RBFOX1: variants seen among roughly 807,000 people sequenced by gnomAD.
The protein encoded by RBFOX1 is RNA binding protein fox-1 homolog 1.
A neutral mutation model predicts 57.7 loss-of-function variants in RBFOX1; 8 were observed. That is an observed-to-expected ratio of 0.14 (90% CI 0.08 to 0.25). The LOEUF is 0.25. Ranked by LOEUF, RBFOX1 falls within the 10% of genes least tolerant of loss-of-function variation. The probability of loss-of-function intolerance (pLI) is 1.00; values close to 1 mark genes in which losing one functional copy is unlikely to be tolerated. For synonymous variants in RBFOX1, 326 were observed against 222.4 expected (o/e 1.47, Z -4.15); for missense variants, 611 against 548.5 (o/e 1.11, Z -1.14).
At chr16:6,875,223 A>C (rs2061623101) in intron 3 of RBFOX1, among the ~76,000 whole-genome samples, 1 of 152,248 alleles carries the variant, frequency 6.6e-6, no homozygotes, top group Non-Finnish European at 1.5e-5. Context: ...TGATGATATT[A>C]TCACTATTGT....
At chr16:7,533,532 C>G (rs888247600) in intron 5 of RBFOX1, among the ~76,000 whole-genome samples, 1 of 152,300 alleles carries the variant, frequency 6.6e-6, no homozygotes, top group East Asian at 1.9e-4. Flanking sequence ...ATACACTTCC[C>G]CTACTGAACA....
chr16:5,661,992 T>C (rs1027099065), intron 3 of RBFOX1, among the ~76,000 whole-genome samples: 1 of 152,086 alleles, frequency 6.6e-6, no homozygotes, highest in African/African-American at 2.4e-5. Context: ...TTTCACCATG[T>C]TAGCAGGGTG....
chr16:6,707,992 T>C (rs533443047), intron 3 of RBFOX1, among the ~76,000 whole-genome samples: 1 of 152,234 alleles, frequency 6.6e-6, no homozygotes, highest in South Asian at 2.1e-4. Context: ...AGACATCAGG[T>C]AGTGCTGTGG....
intron 2 of RBFOX1, among the ~76,000 whole-genome samples, chr16:6,569,465 C>T (rs2097313855): frequency 1.3e-5 from 2 of 152,146 alleles, no homozygotes; most frequent in African/African-American, 4.8e-5. Flanking sequence ...TAATCAGTGC[C>T]AAAGTAATTG....
At chr16:5,432,559 G>GTTTTTTTTTTTTTTTTTTT (rs35344614) in intron 1 of RBFOX1, among the ~76,000 whole-genome samples, 1 of 94,220 alleles carries the variant, frequency 1.1e-5, no homozygotes, top group Admixed American at 1.3e-4. Flanking sequence ...TTGTTTGTTT[G>GTTTTTTTTTTTTTTTTTTT]TTTTTTTTTT....
intron 1 of RBFOX1, among the ~76,000 whole-genome samples, chr16:5,291,560 G>A (rs558184434): frequency 7.9e-5 from 12 of 152,280 alleles, no homozygotes; most frequent in Middle Eastern, 3.4e-3. Flanking sequence ...CACGCGCCTG[G>A]CCGAGCTTTT....
chr16:6,865,602 TTTTAA>T (rs1451131477), intron 3 of RBFOX1, among the ~76,000 whole-genome samples: 2 of 152,194 alleles, frequency 1.3e-5, no homozygotes, highest in African/African-American at 4.8e-5. Flanking sequence ...ATACATTATT[TTTTAA>T]TTTAATAAGA....
intron 3 of RBFOX1, among the ~76,000 whole-genome samples, chr16:5,638,560 G>A (rs2048760948): frequency 6.6e-6 from 1 of 152,156 alleles, no homozygotes; most frequent in Non-Finnish European, 1.5e-5. Flanking sequence ...GGGCCTAAAG[G>A]AAGGGTGGAA....
At chr16:5,759,606 C>T (rs756035135) in intron 3 of RBFOX1, among the ~76,000 whole-genome samples, 2 of 152,190 alleles carry the variant, frequency 1.3e-5, no homozygotes, top group African/African-American at 2.4e-5. Flanking sequence ...GCCGCCAGTG[C>T]CAGGCATGTG....
At chr16:7,457,702 A>C (rs2058793103) in intron 4 of RBFOX1, among the ~76,000 whole-genome samples, 1 of 152,128 alleles carries the variant, frequency 6.6e-6, no homozygotes, top group Admixed American at 6.5e-5. Context: ...TTTTCAGCCT[A>C]AGAGGGCCCT....
chr16:7,668,599 G>C (rs566377307), intron 13 of RBFOX1, among the ~76,000 whole-genome samples: 39 of 152,172 alleles, frequency 2.6e-4, no homozygotes, highest in African/African-American at 9.4e-4. Flanking sequence ...TGCGGGGGTT[G>C]TCTGAGAATG....
intron 4 of RBFOX1, among the ~76,000 whole-genome samples, chr16:7,221,028 G>A (rs894560334): frequency 1.3e-5 from 2 of 152,154 alleles, no homozygotes; most frequent in Admixed American, 1.3e-4. Context: ...TAGTTTATCA[G>A]ATGTACTGTC....
intron 3 of RBFOX1, among the ~76,000 whole-genome samples, chr16:6,998,731 CTT>C: frequency 6.6e-6 from 1 of 152,100 alleles, no homozygotes; most frequent in Admixed American, 6.5e-5. Context: ...GTACAGAAAA[CTT>C]AATATATCAG....
chr16:7,667,718 T>C (rs1401399283), intron 13 of RBFOX1, among the ~76,000 whole-genome samples: 1 of 152,204 alleles, frequency 6.6e-6, no homozygotes, highest in Non-Finnish European at 1.5e-5. Flanking sequence ...ACTCACTGTG[T>C]CGCCCAGGCT....
chr16:5,703,098 C>G (rs536153650), intron 3 of RBFOX1, among the ~76,000 whole-genome samples: 1 of 152,178 alleles, frequency 6.6e-6, no homozygotes, highest in Admixed American at 6.5e-5. Flanking sequence ...AAAAAGATGC[C>G]AGGTCTTTGC....
At chr16:7,385,522 G>C (rs373363343) in intron 4 of RBFOX1, among the ~76,000 whole-genome samples, 1 of 152,208 alleles carries the variant, frequency 6.6e-6, no homozygotes, top group South Asian at 2.1e-4. Context: ...TAGTGAGTGG[G>C]AAGAGCAGGA....
At position 6,725,350 on chromosome 16, in the gene RBFOX1, C is replaced by T. The variant is rs377350935; in HGVS notation, c.-16+70700C>T. ...ACAGGTTTGAGCCACCGCGCCCGGCCGGTTTTGGCTAGCTTTTTAAGGCAT... is the reference window on the plus strand; with the variant it reads ...ACAGGTTTGAGCCACCGCGCCCGGCTGGTTTTGGCTAGCTTTTTAAGGCAT... On this transcript the variant is annotated intron_variant, in intron 3 of 15. Transcript: ENST00000550418. 4.6e-5 allele frequency among the ~76,000 whole-genome samples: 7 copies of T among 151,518 alleles called. No individual in the cohort carries two copies. The East Asian group carries it at 5.9e-4, about 13-fold the overall frequency.
At chr16:5,674,962 C>T (rs1596696630) in intron 3 of RBFOX1, among the ~76,000 whole-genome samples, 1 of 152,150 alleles carries the variant, frequency 6.6e-6, no homozygotes, top group Middle Eastern at 3.4e-3. Context: ...GCCTGGACAA[C>T]ACAGCAAAAC....
chr16:6,046,164 T>A (rs1279140656), intron 1 of RBFOX1, among the ~76,000 whole-genome samples: 1 of 152,160 alleles, frequency 6.6e-6, no homozygotes, highest in African/African-American at 2.4e-5. Context: ...GAGATGAAGA[T>A]GTCAAAAGTG....
Sources: gnomAD v4.1 joint callset for allele counts (sites outside exome capture counted in the v4.1 genomes callset) on GRCh38, gnomAD v4.1.1 for gene constraint, MANE v1.5 for transcripts, NCBI Gene and HGNC (gene_info 2026-07-23, HGNC 2026-07-21) for gene names.